The following BEST3 variants were observed in gnomAD, a reference collection of about 807,000 sequenced individuals.
BEST3 encodes bestrophin-3.
In BEST3, 50 loss-of-function variants were observed where a neutral mutation model predicts 47.1. The ratio of observed to expected loss-of-function variants is 1.06; its 90% CI spans 0.85 to 1.34. The LOEUF (loss-of-function observed/expected upper bound fraction) is 1.34, where lower values mean the gene tolerates loss of function less well. Among genes scored for constraint, BEST3 ranks in the 40% most tolerant of loss-of-function variants. The pLI, the probability that BEST3 is intolerant of heterozygous loss-of-function variation, is 0.00. For missense variants in BEST3, 765 were observed against 817.0 expected, an observed-to-expected ratio of 0.94 and a Z score of 0.78; for synonymous variants, 282 against 298.8, an observed-to-expected ratio of 0.94 and a Z score of 0.58.
chr12:69,683,477 C>T (rs1263795428), intron 4 of BEST3: 2 of 152,204 alleles, frequency 1.3e-5, no homozygotes, highest in Non-Finnish European at 2.9e-5. Flanking sequence ...ACATGCCTCC[C>T]ATTCTATTAA....
At chr12:69,687,221 G>A (rs993629677) in intron 4 of BEST3, 10 of 152,210 alleles carry the variant, frequency 6.6e-5, no homozygotes, top group Non-Finnish European at 2.9e-5. Flanking sequence ...TCCATTGACA[G>A]CTGGTGGCTT....
chr12:69,679,887 G>T (rs1288149225), intron 4 of BEST3, among the ~76,000 whole-genome samples: 1 of 145,630 alleles, frequency 6.9e-6, no homozygotes, highest in Non-Finnish European at 1.5e-5. Flanking sequence ...GTTTCTTGGT[G>T]TGTGTGTGTG....
At chr12:69,667,591 C>T (rs755040493) in intron 9 of BEST3, among the ~76,000 whole-genome samples, 7 of 152,250 alleles carry the variant, frequency 4.6e-5, no homozygotes, top group South Asian at 2.1e-4. Flanking sequence ...CCACCATGCC[C>T]GCCTCCTAAC....
intron 7 of BEST3, among the ~76,000 whole-genome samples, 156 bp from the exon 8 acceptor site, chr12:69,673,121 C>G (rs946053225): frequency 6.6e-6 from 1 of 152,130 alleles, no homozygotes; most frequent in African/African-American, 2.4e-5. Context: ...TATTTATTAG[C>G]GAGCAAGACA....
Position 69,677,191 on chromosome 12 carries a change from C to T in BEST3, c.703G>A (p.Val235Ile). Reference protein sequence around the residue: ...FGYDWVGIPLVYTQVVTLAVY... With the variant: ...FGYDWVGIPLIYTQVVTLAVY... ...AAAGTATTTCTTACCTGGGTGTAAACCAGCGGAATCCCAACCCAGTCATAA... is the reference window on the plus strand; with the variant it reads ...AAAGTATTTCTTACCTGGGTGTAAATCAGCGGAATCCCAACCCAGTCATAA... Residue 235 changes from valine to isoleucine, a missense_variant, in exon 6 of 10, where the codon GTT becomes ATT. Val to Ile is a conservative substitution (Grantham distance 29). Transcript: ENST00000330891. The T allele has an allele frequency of 6.2e-7, 1 of 1,613,782 alleles. No individual in the cohort carries two copies. The highest frequency in any genetic ancestry group is 8.5e-7 in the Non-Finnish European group (1 of 1,179,834).
At chr12:69,670,638 C>A in intron 9 of BEST3, 1 of 689,712 alleles carries the variant, frequency 1.4e-6, no homozygotes, top group South Asian at 1.5e-5. Flanking sequence ...GGGTCATAGG[C>A]AGCAACCACA....
chr12:69,659,927 G>C lies in BEST3; in HGVS notation c.1101-4114C>G, dbSNP rs577352722. ...GTTCTGGAACTTATTTGGACTGAGA[G>C]AGGCAGGTAATTAGAGATAGGAGGA... On this transcript the variant is annotated intron_variant, in intron 9 of 9. Transcript: ENST00000330891. 4 of 152,232 alleles carry C rather than the reference G, an allele frequency of 2.6e-5. No individual in the cohort carries two copies. The South Asian group carries it at 8.3e-4, about 32-fold the overall frequency. 9.4% of individuals were successfully genotyped at this position (152,232 alleles called of 1,614,324 possible).
Position 69,655,389 on chromosome 12 carries a change from C to A in BEST3, c.1525G>T (p.Glu509Ter). The A allele has an allele frequency of 6.2e-7, 1 of 1,614,128 alleles. No individual in the cohort carries two copies. Among genetic ancestry groups the A allele is most frequent in the African/African-American group, 1.3e-5 (1 of 75,024 alleles). Reference sequence around the variant, plus strand: ...CCCCCTGATGTGGGCACTGGTGCTTCGGCTGCTGTGATCAATACCTCAGGT... The same window carrying A: ...CCCCCTGATGTGGGCACTGGTGCTTAGGCTGCTGTGATCAATACCTCAGGT... ...LVPEVLITAA[E>*]APVPTSGGYH... Residue 509 changes from glutamate (E) to a stop codon, truncating the protein, a stop_gained, in exon 10 of 10, where the codon GAA (glutamate) becomes TAA (stop). Transcript: ENST00000330891. LOFTEE classifies it low-confidence loss of function (END_TRUNC).
chr12:69,684,609 CT>C (rs779189871), intron 4 of BEST3: 4 of 670,308 alleles, frequency 6.0e-6, no homozygotes, highest in Non-Finnish European at 1.1e-5. Context: ...CCAGTTCTTT[CT>C]GAAAGAGAGA....
intron 4 of BEST3, among the ~76,000 whole-genome samples, chr12:69,685,024 C>CTA (rs1885490617): frequency 6.6e-6 from 1 of 150,976 alleles, no homozygotes; most frequent in Non-Finnish European, 1.5e-5. Context: ...CTATTCTATT[C>CTA]TATTCTATTC....
chr12:69,672,646 G>C (rs978800778), intron 8 of BEST3, among the ~76,000 whole-genome samples: 2 of 152,140 alleles, frequency 1.3e-5, no homozygotes, highest in African/African-American at 4.8e-5. Context: ...CTAATAGAGG[G>C]CTTACAAAGA....
chr12:69,676,283 T>C (rs1884911624), intron 7 of BEST3, among the ~76,000 whole-genome samples: 1 of 152,134 alleles, frequency 6.6e-6, no homozygotes, highest in African/African-American at 2.4e-5. Flanking sequence ...CCAGGCGCGG[T>C]GGCTCACGCC....
intron 4 of BEST3, among the ~76,000 whole-genome samples, 195 bp downstream of exon 4, chr12:69,693,479 G>T (rs554549851): frequency 6.6e-6 from 1 of 151,818 alleles, no homozygotes; most frequent in South Asian, 2.1e-4. Context: ...TGGCCAGGTT[G>T]GTCTCAAACT....
chr12:69,697,106 A>G (rs914895746), intron 2 of BEST3, among the ~76,000 whole-genome samples: 4 of 152,228 alleles, frequency 2.6e-5, no homozygotes, highest in Non-Finnish European at 5.9e-5. Flanking sequence ...CGGAAAGAAA[A>G]TAAATTATTC....
intron 9 of BEST3, among the ~76,000 whole-genome samples, chr12:69,658,298 A>C (rs1161142420): frequency 6.6e-6 from 1 of 152,160 alleles, no homozygotes; most frequent in Non-Finnish European, 1.5e-5. Context: ...AAAGACAAAA[A>C]CCTTATGCCC....
chr12:69,686,774 A>AAAAACAAAAAAAAAAT, intron 4 of BEST3, among the ~76,000 whole-genome samples: 1 of 105,406 alleles, frequency 9.5e-6, no homozygotes, highest in Non-Finnish European at 2.0e-5. Context: ...TCTGCCTCAA[A>AAAAACAAAAAAAAAAT]AAAACAAAAA....
chr12:69,647,702 A>T (rs910623366), intron 9 of BEST3, among the ~76,000 whole-genome samples: 2 of 152,226 alleles, frequency 1.3e-5, no homozygotes, highest in African/African-American at 4.8e-5. Flanking sequence ...GGGATGGGGA[A>T]GGATTTCTCA....
At position 69,693,716 on chromosome 12, in the gene BEST3, C is replaced by G. The variant is rs1431462677; in HGVS notation, c.439G>C (p.Val147Leu). The G allele has an allele frequency of 6.2e-7, 1 of 1,614,140 alleles. No individual in the cohort carries two copies. Among genetic ancestry groups the G allele is most frequent in the Non-Finnish European group, 8.5e-7 (1 of 1,180,012 alleles). The change falls in exon 4 of 10, where the codon GTG (valine) becomes CTG (leucine). Residue 147 changes from valine to leucine, a missense_variant. Val to Leu is a conservative substitution (Grantham distance 32, BLOSUM62 1). Coordinates refer to ENST00000330891, the MANE Select transcript of BEST3 (RefSeq NM_032735.3). ...TCCATTGTGGGAAATCTTTTGTACA[C>G]AGCAGTGCTCACCGAGCGAAAGATG... ...LLIFRSVSTA[V>L]YKRFPTMDHV...
At chr12:69,673,469 G>A (rs188074808) in intron 7 of BEST3, among the ~76,000 whole-genome samples, 156 of 152,078 alleles carry the variant, frequency 1.0e-3, no homozygotes, top group African/African-American at 3.5e-3. Context: ...ACAGTGTCTC[G>A]CCCTGTTGCC....
Sources: gnomAD v4.1 joint callset for allele counts (sites outside exome capture counted in the v4.1 genomes callset) on GRCh38, gnomAD v4.1.1 for gene constraint, MANE v1.5 for transcripts, NCBI Gene and HGNC (gene_info 2026-07-23, HGNC 2026-07-21) for gene names.